Variants in GABRR1 observed in about 807,000 individuals in gnomAD.
The protein encoded by GABRR1 is gamma-aminobutyric acid type A receptor subunit rho1, also known as gamma-aminobutyric acid receptor subunit rho-1.
GABRR1 carries 59 observed loss-of-function variants against 55.5 expected under a neutral mutation model. That is an observed-to-expected ratio of 1.06 (90% confidence interval 0.86 to 1.32). The LOEUF (loss-of-function observed/expected upper bound fraction) is 1.32, where lower values mean the gene tolerates loss of function less well. Among genes scored for constraint, GABRR1 ranks in the 40% most tolerant of loss-of-function variants. The pLI is 0.00. For synonymous variants in GABRR1, 213 were observed against 226.0 expected, an observed-to-expected ratio of 0.94 and a Z score of 0.51; for missense variants, 602 against 619.1, an observed-to-expected ratio of 0.97 and a Z score of 0.29.
At chr6:89,198,281 C>T (rs772755989) in intron 4 of GABRR1, 38 bp from the exon 5 acceptor site, 1 of 1,406,012 alleles carries the variant, frequency 7.1e-7, no homozygotes. Flanking sequence ...CCCAGACACA[C>T]ACAAACCCAC....
At chr6:89,208,474 A>C (rs1562309572) in intron 1 of GABRR1, among the ~76,000 whole-genome samples, 1 of 152,220 alleles carries the variant, frequency 6.6e-6, no homozygotes, top group Non-Finnish European at 1.5e-5. Context: ...ATCAGTCTAA[A>C]TGTTACTGTG....
chr6:89,202,764 A>G (rs1304967544), intron 2 of GABRR1, among the ~76,000 whole-genome samples: 1 of 152,074 alleles, frequency 6.6e-6, no homozygotes, highest in Non-Finnish European at 1.5e-5. Flanking sequence ...GTGACCTATC[A>G]TGAGCTCACT....
chr6:89,191,221 G>T (rs568397674), intron 5 of GABRR1, among the ~76,000 whole-genome samples: 1 of 152,274 alleles, frequency 6.6e-6, no homozygotes, highest in African/African-American at 2.4e-5. Flanking sequence ...AGGCATTTTT[G>T]ATTGCCAGCA....
chr6:89,218,715 G>A (rs1169130239), upstream of GABRR1, among the ~76,000 whole-genome samples: 1 of 152,196 alleles, frequency 6.6e-6, no homozygotes, highest in Non-Finnish European at 1.5e-5. Context: ...AACGAGGTGT[G>A]ACAAGCCATT....
chr6:89,220,002 G>A (rs1773090438), upstream of GABRR1, among the ~76,000 whole-genome samples: 1 of 152,188 alleles, frequency 6.6e-6, no homozygotes, highest in Admixed American at 6.5e-5. Flanking sequence ...GTCAATGTAA[G>A]CTAAGCATGG....
Position 89,180,295 on chromosome 6 carries a change from C to T in GABRR1, c.1143G>A (p.Glu381=). ...VQERKEQKLR[E]KLPCTSGLPP... ...TATAAGCGCATGGCAAAGTCACCTT[C>T]TCCCGCAGCTTCTGTTCCTTCCTCT... is the stretch of plus-strand genomic sequence containing the variant. Residue 381 remains glutamate, a synonymous_variant, in exon 9 of 10, where the codon GAG becomes GAA. Coordinates refer to ENST00000454853, the MANE Select transcript of GABRR1 (RefSeq NM_002042.5). 1 of 1,612,930 alleles carries T rather than the reference C, an allele frequency of 6.2e-7. No individual in the cohort carries two copies. Among genetic ancestry groups the T allele is most frequent in the Non-Finnish European group, 8.5e-7 (1 of 1,179,590 alleles).
rs920848363 is a variant in GABRR1 at position 89,180,546 on chromosome 6, G to C, written c.950-58C>G. ...CTTGTCTTTCACCAAACACAGGATGGTTTCATGTCTCTGCTCATTTGTCCC... is the reference window on the plus strand; with the variant it reads ...CTTGTCTTTCACCAAACACAGGATGCTTTCATGTCTCTGCTCATTTGTCCC... On this transcript the variant is annotated intron_variant, in intron 8 of 9. Transcript: ENST00000454853. 3 of 1,582,134 alleles carry C rather than the reference G, an allele frequency of 1.9e-6. No individual in the cohort carries two copies. The African/African-American group carries it at 4.0e-5, about 21-fold the overall frequency.
At chr6:89,209,705 T>C (rs148917176) in intron 1 of GABRR1, among the ~76,000 whole-genome samples, 312 of 152,182 alleles carry the variant, frequency 2.1e-3, no homozygotes, top group Middle Eastern at 0.017. Flanking sequence ...GTTAGATTTA[T>C]TTGATGAGGC....
rs796157174 is a variant in GABRR1 at position 89,230,631 on chromosome 6, C to G, written c.-411+585G>C. Among the ~76,000 whole-genome samples the G allele has an allele frequency of 2.1e-4, 32 of 151,954 alleles. No individual in the cohort carries two copies. In the South Asian group the frequency reaches 6.7e-3, roughly 32 times the overall value. On this transcript the variant is annotated intron_variant, in intron 1 of 11. Transcript: ENST00000369451. ...GGCAGTCTGCCGGTTCTCAGATCTC[C>G]AGCTGCGTGCTGGGAGAACCACTGC...
intron 6 of GABRR1, among the ~76,000 whole-genome samples, chr6:89,188,742 A>G (rs951167157): frequency 6.6e-6 from 1 of 152,116 alleles, no homozygotes; most frequent in South Asian, 2.1e-4. Flanking sequence ...GATAATGTCG[A>G]TGCACAAAAT....
In GABRR1 at chr6:89,184,885, C is replaced by CTT. The variant is rs754802888; in HGVS notation, c.796+423_796+424dup. On this transcript the variant is annotated intron_variant, in intron 7 of 9. Coordinates refer to ENST00000454853, the MANE Select transcript of GABRR1 (RefSeq NM_002042.5). ...TTTCTGCCTTTAGTTTCTTTTCTTT[C>CTT]TTTTTTTTTTTTTTTTTTGAGGCAG... Among the ~76,000 whole-genome samples the CTT allele has an allele frequency of 5.4e-3, 673 of 123,666 alleles. 12 individuals carry two copies. Among genetic ancestry groups the CTT allele is most frequent in the Admixed American group, 0.043 (494 of 11,550 alleles). The allele number at this position is 123,666 out of a possible 152,430, so 81.1% of individuals were successfully genotyped here. A position where few individuals can be genotyped will look rare whatever the true frequency, so the allele number is the denominator to read the frequency against.
At chr6:89,203,550 C>G in intron 1 of GABRR1, 65 bp from the exon 2 acceptor site, 1 of 1,151,612 alleles carries the variant, frequency 8.7e-7, no homozygotes, top group Non-Finnish European at 1.3e-6. Context: ...CAACCAAGCA[C>G]CCCTCTCCCT....
chr6:89,210,901 C>T (rs976781854), intron 1 of GABRR1, among the ~76,000 whole-genome samples: 1 of 137,118 alleles, frequency 7.3e-6, no homozygotes, highest in African/African-American at 2.7e-5. Flanking sequence ...AGTAAGCCAC[C>T]TAATTGAGAC....
At chr6:89,183,158 G>GCCA (rs1771782644) in intron 7 of GABRR1, among the ~76,000 whole-genome samples, 1 of 37,298 alleles carries the variant, frequency 2.7e-5, no homozygotes. Flanking sequence ...AAAAAAAAAA[G>GCCA]ACAAAAAAAA....
chr6:89,180,837 A>G (rs973988974), intron 8 of GABRR1, among the ~76,000 whole-genome samples: 1 of 152,186 alleles, frequency 6.6e-6, no homozygotes. Flanking sequence ...GAGCAGGTAT[A>G]TATGTTTCTT....
intron 6 of GABRR1, among the ~76,000 whole-genome samples, chr6:89,188,998 GC>G: frequency 6.6e-6 from 1 of 152,030 alleles, no homozygotes; most frequent in African/African-American, 2.4e-5. Context: ...ATTTAGAAGA[GC>G]AATAAAACAC....
chr6:89,184,885 CTTTTTTTTT>C (rs754802888), intron 7 of GABRR1, among the ~76,000 whole-genome samples: 1 of 123,738 alleles, frequency 8.1e-6, no homozygotes, highest in Non-Finnish European at 1.7e-5. Context: ...TCTTTTCTTT[CTTTTTTTTT>C]TTTTTTTTTG....
chr6:89,213,680 T>C (rs909229627), intron 1 of GABRR1, among the ~76,000 whole-genome samples: 1 of 152,214 alleles, frequency 6.6e-6, no homozygotes. Context: ...CAAATGATAA[T>C]TCTATTGACT....
chr6:89,179,149 T>C, intron 9 of GABRR1, 86 bp from the exon 10 acceptor site: 1 of 1,362,396 alleles, frequency 7.3e-7, no homozygotes, highest in African/African-American at 1.4e-5. Flanking sequence ...TGGAGGGTGT[T>C]GCCTGGTTTC....
Sources: allele counts gnomAD v4.1 joint callset (sites outside exome capture counted in the v4.1 genomes callset), GRCh38; gene constraint gnomAD v4.1.1; transcripts MANE v1.5; gene names NCBI Gene and HGNC (gene_info 2026-07-23, HGNC 2026-07-21).